LRRC4C: variants seen among roughly 807,000 people sequenced by gnomAD.
The protein encoded by LRRC4C is leucine-rich repeat-containing protein 4C.
In LRRC4C, 5 loss-of-function variants were observed where a neutral mutation model predicts 33.6. The ratio of observed to expected loss-of-function variants is 0.15; its 90% CI spans 0.08 to 0.31. The LOEUF is 0.31. Among genes scored for constraint, LRRC4C ranks in the 10% least tolerant of loss-of-function variants. The probability of loss-of-function intolerance (pLI) is 1.00; values close to 1 mark genes in which losing one functional copy is unlikely to be tolerated. For synonymous variants in LRRC4C, 329 were observed against 302.0 expected, an observed-to-expected ratio of 1.09 and a Z score of -0.93; for missense variants, 560 against 796.7, an observed-to-expected ratio of 0.70 and a Z score of 3.58.
At chr11:40,596,805 G>A (rs1959370670) in intron 3 of LRRC4C, among the ~76,000 whole-genome samples, 2 of 152,108 alleles carry the variant, frequency 1.3e-5, no homozygotes, top group Admixed American at 6.5e-5. Flanking sequence ...TTTATATATT[G>A]CAGAGATGTC....
chr11:40,415,935 T>C (rs754092332), intron 3 of LRRC4C, among the ~76,000 whole-genome samples: 2 of 152,186 alleles, frequency 1.3e-5, no homozygotes, highest in African/African-American at 4.8e-5. Flanking sequence ...AAATAGAAAT[T>C]ATAACTCTTA....
intron 1 of LRRC4C, among the ~76,000 whole-genome samples, chr11:41,172,847 T>C (rs568372706): frequency 8.5e-4 from 129 of 152,272 alleles, no homozygotes; most frequent in Non-Finnish European, 1.4e-3. Context: ...TTAAGAATTC[T>C]TAATGTAGTA....
At chr11:41,083,337 A>G (rs1251559596) in intron 1 of LRRC4C, among the ~76,000 whole-genome samples, 1 of 152,106 alleles carries the variant, frequency 6.6e-6, no homozygotes, top group Admixed American at 6.5e-5. Context: ...GTAACAGGGG[A>G]ATTATTTCTT....
chr11:40,961,145 A>G (rs1280026013), intron 1 of LRRC4C, among the ~76,000 whole-genome samples: 2 of 151,764 alleles, frequency 1.3e-5, no homozygotes, highest in African/African-American at 2.4e-5. Context: ...GTTCAGCTGT[A>G]TAAGTTATTA....
At chr11:40,987,696 T>A (rs1198709865) in intron 1 of LRRC4C, among the ~76,000 whole-genome samples, 1 of 134,942 alleles carries the variant, frequency 7.4e-6, no homozygotes, top group Non-Finnish European at 1.5e-5. Context: ...ATATATCTCA[T>A]ATATATGAGA....
chr11:41,386,574 C>A (rs1156300856), intron 1 of LRRC4C, among the ~76,000 whole-genome samples: 2 of 151,692 alleles, frequency 1.3e-5, no homozygotes, highest in African/African-American at 2.4e-5. Context: ...ACAGATGTAC[C>A]TTTGTAATTT....
intron 2 of LRRC4C, among the ~76,000 whole-genome samples, chr11:40,760,852 T>C (rs1185911044): frequency 6.8e-6 from 1 of 146,654 alleles, no homozygotes; most frequent in Admixed American, 6.9e-5. Flanking sequence ...CACACACATA[T>C]ATGTATATAT....
At chr11:40,770,801 C>A (rs1203095197) in intron 2 of LRRC4C, among the ~76,000 whole-genome samples, 5 of 152,154 alleles carry the variant, frequency 3.3e-5, no homozygotes, top group Non-Finnish European at 5.9e-5. Context: ...CTTAAAGTTC[C>A]AAACTGACCT....
At chr11:40,926,199 C>T (rs1957400308) in intron 2 of LRRC4C, among the ~76,000 whole-genome samples, 1 of 152,152 alleles carries the variant, frequency 6.6e-6, no homozygotes, top group Non-Finnish European at 1.5e-5. Flanking sequence ...GAAGAGATTA[C>T]TTTCCAGCAG....
chr11:41,138,666 C>T (rs1448807003), intron 1 of LRRC4C, among the ~76,000 whole-genome samples: 1 of 152,050 alleles, frequency 6.6e-6, no homozygotes, highest in Non-Finnish European at 1.5e-5. Flanking sequence ...TGTGAATATC[C>T]AATTGTACCA....
intron 1 of LRRC4C, among the ~76,000 whole-genome samples, chr11:41,299,797 A>C (rs888889167): frequency 4.6e-5 from 7 of 152,272 alleles, no homozygotes; most frequent in African/African-American, 1.7e-4. Flanking sequence ...TCTTTCAGAG[A>C]CAACAAGAAT....
At chr11:40,928,217 C>T (rs887352687) in intron 2 of LRRC4C, among the ~76,000 whole-genome samples, 3 of 151,132 alleles carry the variant, frequency 2.0e-5, no homozygotes, top group Admixed American at 2.0e-4. Context: ...TCTAACCTAA[C>T]GTTTCTTTCA....
intron 2 of LRRC4C, among the ~76,000 whole-genome samples, chr11:40,895,618 A>G (rs1307425220): frequency 6.6e-6 from 1 of 152,122 alleles, no homozygotes; most frequent in Non-Finnish European, 1.5e-5. Flanking sequence ...AAAGCTTTGC[A>G]TTATTCTTTG....
At chr11:40,757,510 TTTTTG>T (rs1350379653) in intron 2 of LRRC4C, among the ~76,000 whole-genome samples, 3 of 152,008 alleles carry the variant, frequency 2.0e-5, no homozygotes, top group Non-Finnish European at 1.5e-5. Context: ...TATTTATTTG[TTTTTG>T]TTTTGTTTTG....
chr11:41,387,023 T>C (rs2137952421), intron 1 of LRRC4C, among the ~76,000 whole-genome samples: 1 of 151,926 alleles, frequency 6.6e-6, no homozygotes, highest in Non-Finnish European at 1.5e-5. Context: ...GCTACATGTG[T>C]CCACCATGTA....
chr11:41,247,642 G>A (rs1430505271), intron 1 of LRRC4C, among the ~76,000 whole-genome samples: 7 of 152,130 alleles, frequency 4.6e-5, no homozygotes, highest in Non-Finnish European at 1.0e-4. Context: ...GAGAAGGAAG[G>A]GAAAATGCCA....
chr11:40,177,606 A>G (rs1207492906), intron 5 of LRRC4C, among the ~76,000 whole-genome samples: 1 of 152,006 alleles, frequency 6.6e-6, no homozygotes, highest in East Asian at 1.9e-4. Context: ...TCTCTTTCTG[A>G]CCTTTGCTCA....
chr11:41,280,712 T>C (rs967493586), intron 1 of LRRC4C, among the ~76,000 whole-genome samples: 32 of 152,192 alleles, frequency 2.1e-4, no homozygotes, highest in African/African-American at 7.5e-4. Flanking sequence ...AGTATAGAAA[T>C]GTCAAATTGC....
intron 3 of LRRC4C, among the ~76,000 whole-genome samples, chr11:40,546,858 C>G (rs150254099): frequency 1.3e-5 from 2 of 152,214 alleles, no homozygotes; most frequent in East Asian, 3.9e-4. Context: ...TTGACTAACA[C>G]TGCAGTAAGT....
Sources: allele counts gnomAD v4.1 joint callset (sites outside exome capture counted in the v4.1 genomes callset), GRCh38; gene constraint gnomAD v4.1.1; transcripts MANE v1.5; gene names NCBI Gene and HGNC (gene_info 2026-07-23, HGNC 2026-07-21).